The following LHFPL3 variants were observed in gnomAD, a reference collection of about 807,000 sequenced individuals.
The protein encoded by LHFPL3 is LHFPL tetraspan subfamily member 3, also known as LHFPL tetraspan subfamily member 3 protein.
In LHFPL3, 5 loss-of-function variants were observed where a neutral mutation model predicts 19.3. The ratio of observed to expected loss-of-function variants is 0.26; its 90% CI spans 0.14 to 0.54. The LOEUF (loss-of-function observed/expected upper bound fraction) is 0.54, where lower values mean the gene tolerates loss of function less well. Ranked by LOEUF, LHFPL3 falls within the 20% of genes least tolerant of loss-of-function variation. LHFPL3 has a pLI of 0.94. For synonymous variants in LHFPL3, 133 were observed against 126.2 expected (o/e 1.05, Z -0.36); for missense variants, 249 against 307.4 (o/e 0.81, Z 1.42).
intron 1 of LHFPL3, among the ~76,000 whole-genome samples, chr7:104,688,439 G>A (rs973126887): frequency 6.6e-6 from 1 of 152,190 alleles, no homozygotes; most frequent in African/African-American, 2.4e-5. Flanking sequence ...TAAAGTGAGG[G>A]CGTTGATTGG....
At chr7:104,608,531 G>A (rs1332016626) in intron 1 of LHFPL3, among the ~76,000 whole-genome samples, 2 of 150,336 alleles carry the variant, frequency 1.3e-5, no homozygotes, top group Non-Finnish European at 1.5e-5. Flanking sequence ...AGCATTAGGA[G>A]ATATACCTAA....
intron 2 of LHFPL3, among the ~76,000 whole-genome samples, chr7:104,883,447 C>G (rs1792091839): frequency 6.6e-6 from 1 of 152,038 alleles, no homozygotes; most frequent in Non-Finnish European, 1.5e-5. Flanking sequence ...ATTTTTAGCC[C>G]ACTAGTGCAT....
intron 1 of LHFPL3, among the ~76,000 whole-genome samples, chr7:104,485,954 G>A (rs999605477): frequency 2.0e-5 from 3 of 152,214 alleles, no homozygotes; most frequent in African/African-American, 7.2e-5. Flanking sequence ...GCACCAAGAT[G>A]CATTGTTTCT....
At chr7:104,383,801 G>T (rs903549564) in intron 1 of LHFPL3, among the ~76,000 whole-genome samples, 2 of 152,278 alleles carry the variant, frequency 1.3e-5, no homozygotes, top group Non-Finnish European at 2.9e-5. Context: ...TTGTTAGGGG[G>T]AGTGAAGAAG....
chr7:104,746,074 G>T (rs1441674981), intron 2 of LHFPL3, among the ~76,000 whole-genome samples: 3 of 152,166 alleles, frequency 2.0e-5, no homozygotes, highest in Non-Finnish European at 4.4e-5. Flanking sequence ...ACTTAAGGAG[G>T]CCAAGGCAGA....
At chr7:104,353,310 C>T (rs1790215769) in intron 1 of LHFPL3, among the ~76,000 whole-genome samples, 1 of 152,160 alleles carries the variant, frequency 6.6e-6, no homozygotes. Flanking sequence ...AATTAGGGTA[C>T]ACCATGTTGC....
At chr7:104,896,798 A>C (rs1261398884) in intron 2 of LHFPL3, among the ~76,000 whole-genome samples, 1 of 151,880 alleles carries the variant, frequency 6.6e-6, no homozygotes, top group Non-Finnish European at 1.5e-5. Flanking sequence ...AAAAAGTTTT[A>C]AGCTGGGCTG....
At chr7:104,477,486 AAG>A (rs1449211952) in intron 1 of LHFPL3, among the ~76,000 whole-genome samples, 1 of 152,188 alleles carries the variant, frequency 6.6e-6, no homozygotes. Flanking sequence ...AATCACATGA[AAG>A]AGTGGATGAT....
intron 1 of LHFPL3, among the ~76,000 whole-genome samples, chr7:104,493,694 G>A (rs1244478779): frequency 2.0e-5 from 3 of 151,526 alleles, no homozygotes; most frequent in Non-Finnish European, 4.4e-5. Flanking sequence ...TTTTACTTGT[G>A]CAATAATTCT....
intron 1 of LHFPL3, among the ~76,000 whole-genome samples, chr7:104,655,397 A>T (rs906890002): frequency 6.6e-6 from 1 of 152,218 alleles, no homozygotes; most frequent in Non-Finnish European, 1.5e-5. Flanking sequence ...ACAATGTTAT[A>T]TTCCAGGAGA....
intron 1 of LHFPL3, among the ~76,000 whole-genome samples, chr7:104,716,579 T>C (rs974311709): frequency 2.0e-5 from 3 of 151,958 alleles, no homozygotes; most frequent in Non-Finnish European, 4.4e-5. Context: ...TTTATAATAG[T>C]GCCAAAAAAA....
At chr7:104,582,862 C>T (rs1584416714) in intron 1 of LHFPL3, among the ~76,000 whole-genome samples, 1 of 151,470 alleles carries the variant, frequency 6.6e-6, no homozygotes, top group African/African-American at 2.4e-5. Flanking sequence ...AGGATTTTTG[C>T]ATCTAGTATA....
At chr7:104,585,392 C>A (rs1790548272) in intron 1 of LHFPL3, among the ~76,000 whole-genome samples, 1 of 151,606 alleles carries the variant, frequency 6.6e-6, no homozygotes, top group African/African-American at 2.4e-5. Flanking sequence ...CGTCATCATC[C>A]CCCTCATCAC....
chr7:104,588,432 T>G (rs1008470059), intron 1 of LHFPL3, among the ~76,000 whole-genome samples: 17 of 152,192 alleles, frequency 1.1e-4, no homozygotes, highest in Non-Finnish European at 2.1e-4. Context: ...GTTGTAGATG[T>G]GTGGTATTAT....
chr7:104,691,573 G>A (rs772435654), intron 1 of LHFPL3, among the ~76,000 whole-genome samples: 2 of 152,250 alleles, frequency 1.3e-5, no homozygotes, highest in Non-Finnish European at 2.9e-5. Context: ...AGGAGAAATG[G>A]CCAGATGTGT....
rs544182892 is a variant in LHFPL3 at position 104,834,244 on chromosome 7, A to G, written c.683-71943A>G. Among the ~76,000 whole-genome samples the G allele has an allele frequency of 6.6e-5, 10 of 151,668 alleles. No homozygotes were observed. The South Asian group carries it at 1.9e-3, about 28-fold the overall frequency. ...CAGGATCAATACTTTGCATCTTTCA[A>G]TCCAATCAAGTTGACAGTATTAACC... On this transcript the variant is annotated intron_variant, in intron 2 of 2. Coordinates refer to ENST00000424859, the MANE Select transcript of LHFPL3 (RefSeq NM_199000.3).
At chr7:104,893,521 C>CA (rs796270380) in intron 2 of LHFPL3, among the ~76,000 whole-genome samples, 121 of 144,200 alleles carry the variant, frequency 8.4e-4, no homozygotes, top group East Asian at 6.3e-3. Context: ...GGCTCCATCT[C>CA]AAAAAAAAAA....
At chr7:104,609,131 G>T (rs1257185728) in intron 1 of LHFPL3, among the ~76,000 whole-genome samples, 1 of 152,036 alleles carries the variant, frequency 6.6e-6, no homozygotes, top group Non-Finnish European at 1.5e-5. Flanking sequence ...CAGGCATGGT[G>T]GTGCGCACCT....
chr7:104,515,346 T>C (rs1423588637), intron 1 of LHFPL3, among the ~76,000 whole-genome samples: 1 of 152,168 alleles, frequency 6.6e-6, no homozygotes, highest in Non-Finnish European at 1.5e-5. Context: ...TGTGCCAAAT[T>C]TCATTTGTTG....
Sources: gnomAD v4.1 joint callset for allele counts (sites outside exome capture counted in the v4.1 genomes callset) on GRCh38, gnomAD v4.1.1 for gene constraint, MANE v1.5 for transcripts, NCBI Gene and HGNC (gene_info 2026-07-23, HGNC 2026-07-21) for gene names.